The following LRRC4C variants were observed in gnomAD, a reference collection of about 807,000 sequenced individuals.
The protein encoded by LRRC4C is leucine rich repeat containing 4C, also known as leucine-rich repeat-containing protein 4C.
A neutral mutation model predicts 33.6 loss-of-function variants in LRRC4C; 5 were observed. The observed-to-expected ratio is 0.15, with a 90% CI of 0.08 to 0.31. The LOEUF (loss-of-function observed/expected upper bound fraction) is 0.31. LRRC4C is among the 10% of genes least tolerant of loss of function. The probability of loss-of-function intolerance (pLI) is 1.00; values close to 1 mark genes in which losing one functional copy is unlikely to be tolerated. For synonymous variants in LRRC4C, 329 were observed against 302.0 expected (o/e 1.09, Z -0.93); for missense variants, 560 against 796.7 (o/e 0.70, Z 3.58).
chr11:41,277,576 C>G (rs1044342559), intron 1 of LRRC4C, among the ~76,000 whole-genome samples: 2 of 152,070 alleles, frequency 1.3e-5, no homozygotes, highest in African/African-American at 4.8e-5. Context: ...CAGGTCAGTT[C>G]ACAGACAGAC....
At chr11:40,578,155 T>TG (rs1958297566) in intron 3 of LRRC4C, among the ~76,000 whole-genome samples, 1 of 131,768 alleles carries the variant, frequency 7.6e-6, no homozygotes, top group Non-Finnish European at 1.6e-5. Context: ...TTTTTTTTTT[T>TG]TTTTTTTTTT....
chr11:40,261,615 C>A (rs1240926255), intron 4 of LRRC4C, among the ~76,000 whole-genome samples: 2 of 152,048 alleles, frequency 1.3e-5, no homozygotes, highest in African/African-American at 4.8e-5. Flanking sequence ...TACAAGTGGC[C>A]AGGTTCAATT....
chr11:40,609,821 T>G (rs1311000671), intron 3 of LRRC4C, among the ~76,000 whole-genome samples: 1 of 151,776 alleles, frequency 6.6e-6, no homozygotes, highest in Non-Finnish European at 1.5e-5. Flanking sequence ...CCTAGAAACA[T>G]AAAACTTAGC....
intron 1 of LRRC4C, among the ~76,000 whole-genome samples, chr11:41,296,418 G>T (rs899563223): frequency 6.6e-6 from 1 of 151,940 alleles, no homozygotes; most frequent in Non-Finnish European, 1.5e-5. Flanking sequence ...AGGTTCAAGT[G>T]ATCCTCCTGC....
chr11:40,785,234 G>A (rs527730829), intron 2 of LRRC4C, among the ~76,000 whole-genome samples: 1 of 152,228 alleles, frequency 6.6e-6, no homozygotes, highest in South Asian at 2.1e-4. Context: ...AATGTCAGGC[G>A]AGATTTATGA....
At chr11:41,225,985 T>G (rs1056032638) in intron 1 of LRRC4C, among the ~76,000 whole-genome samples, 2 of 152,194 alleles carry the variant, frequency 1.3e-5, no homozygotes, top group African/African-American at 4.8e-5. Context: ...CAAAGAGCAG[T>G]TCTATTACTA....
At chr11:40,667,389 A>G (rs575776483) in intron 2 of LRRC4C, among the ~76,000 whole-genome samples, 3 of 152,312 alleles carry the variant, frequency 2.0e-5, no homozygotes, top group East Asian at 1.9e-4. Flanking sequence ...AATTAGCTTT[A>G]GAATCTGAGT....
intron 2 of LRRC4C, among the ~76,000 whole-genome samples, chr11:40,782,443 T>A (rs1181533641): frequency 1.4e-5 from 2 of 147,368 alleles, no homozygotes; most frequent in Non-Finnish European, 3.0e-5. Context: ...CCTAATTGCA[T>A]ACTTTTTTTT....
At chr11:40,291,944 T>A (rs1442223828) in intron 4 of LRRC4C, among the ~76,000 whole-genome samples, 1 of 151,568 alleles carries the variant, frequency 6.6e-6, no homozygotes, top group Admixed American at 6.6e-5. Flanking sequence ...TTTTTTTTTT[T>A]CCTGGTGAAC....
intron 2 of LRRC4C, among the ~76,000 whole-genome samples, chr11:40,785,506 C>T (rs1950377062): frequency 1.3e-5 from 2 of 152,040 alleles, no homozygotes; most frequent in African/African-American, 2.4e-5. Flanking sequence ...CCATAAAACC[C>T]ATTTCCTCTT....
intron 5 of LRRC4C, among the ~76,000 whole-genome samples, chr11:40,197,783 G>A (rs1366925769): frequency 6.6e-6 from 1 of 152,140 alleles, no homozygotes; most frequent in Non-Finnish European, 1.5e-5. Flanking sequence ...CATTTCAAGT[G>A]TCAGGGGAAC....
chr11:41,373,850 C>T (rs79657331), intron 1 of LRRC4C, among the ~76,000 whole-genome samples: 384 of 152,244 alleles, frequency 2.5e-3, no homozygotes, highest in Non-Finnish European at 3.6e-3. Flanking sequence ...CATATTTGTA[C>T]TTAATGAGAT....
In LRRC4C at chr11:40,598,111, C is replaced by A. The variant is rs540137272; in HGVS notation, c.-270+50031G>T. ...TACTCCTTAGAGAAAACAGGCCACA[C>A]AAGATATTTAAAAGTCTAGTTATTT... On this transcript the variant is annotated intron_variant, in intron 3 of 6. Coordinates refer to ENST00000528697, the MANE Select transcript of LRRC4C (RefSeq NM_001258419.2). 5.1e-4 allele frequency among the ~76,000 whole-genome samples: 78 copies of A among 152,234 alleles called. 1 individual carries two copies. The South Asian group carries it at 0.016, about 31-fold the overall frequency.
In LRRC4C at chr11:40,793,694, C is replaced by T. The variant is rs1950715223; in HGVS notation, c.-407+139941G>A. On this transcript the variant is annotated intron_variant, in intron 2 of 6. Coordinates refer to ENST00000528697, the MANE Select transcript of LRRC4C (RefSeq NM_001258419.2). The stretch of plus-strand genomic sequence containing the variant: ...ATGCAGACAGTCTGGAAAGAGAGTC[C>T]ATAATTTCAACCGGAATGTGTGGCA... Among the ~76,000 whole-genome samples, 4 of 152,126 alleles carry T rather than the reference C, an allele frequency of 2.6e-5. No individual in the cohort carries two copies. In the South Asian group the frequency reaches 8.3e-4, roughly 32 times the overall value.
intron 1 of LRRC4C, among the ~76,000 whole-genome samples, chr11:41,275,681 A>G (rs1247903182): frequency 2.0e-5 from 3 of 152,210 alleles, no homozygotes; most frequent in Non-Finnish European, 4.4e-5. Flanking sequence ...TGAGCATAAT[A>G]GAAGGATGCT....
At chr11:41,364,760 CT>C (rs1952475098) in intron 1 of LRRC4C, among the ~76,000 whole-genome samples, 1 of 152,174 alleles carries the variant, frequency 6.6e-6, no homozygotes, top group African/African-American at 2.4e-5. Flanking sequence ...AATAATGTGT[CT>C]GAGTCAAAAT....
chr11:41,024,778 G>C (rs768954918), intron 1 of LRRC4C, among the ~76,000 whole-genome samples: 6 of 151,528 alleles, frequency 4.0e-5, no homozygotes, highest in Non-Finnish European at 5.9e-5. Flanking sequence ...ATTGTGCTTT[G>C]CAGATATTGA....
intron 1 of LRRC4C, among the ~76,000 whole-genome samples, chr11:41,417,861 CT>C (rs1172099421): frequency 6.6e-6 from 1 of 151,544 alleles, no homozygotes; most frequent in Non-Finnish European, 1.5e-5. Context: ...CTATTCATTG[CT>C]GTTGCTATCC....
chr11:40,741,360 C>G (rs758182043), intron 2 of LRRC4C, among the ~76,000 whole-genome samples: 2 of 151,990 alleles, frequency 1.3e-5, no homozygotes, highest in Non-Finnish European at 2.9e-5. Flanking sequence ...CTATTCTAAT[C>G]TCCAACATAT....
Sources: gnomAD v4.1 joint callset for allele counts (sites outside exome capture counted in the v4.1 genomes callset) on GRCh38, gnomAD v4.1.1 for gene constraint, MANE v1.5 for transcripts, NCBI Gene and HGNC (gene_info 2026-07-23, HGNC 2026-07-21) for gene names.